TBC1D32: variants seen among roughly 807,000 people sequenced by gnomAD.
TBC1D32 encodes protein broad-minded.
Under a neutral mutation model 170.3 loss-of-function variants are expected in TBC1D32, and 151 were observed. The observed-to-expected ratio is 0.89, with a 90% confidence interval of 0.78 to 1.01. TBC1D32 has a LOEUF of 1.01. Among genes scored for constraint, TBC1D32 ranks in the 50% least tolerant of loss-of-function variants. The pLI is 0.00. For synonymous variants in TBC1D32, 498 were observed against 488.0 expected (o/e 1.02, Z -0.27); for missense variants, 1,464 against 1,457.1 (o/e 1.00, Z -0.08).
chr6:121,159,503 A>G (rs965391663), intron 24 of TBC1D32, among the ~76,000 whole-genome samples: 3 of 152,190 alleles, frequency 2.0e-5, no homozygotes, highest in Admixed American at 1.3e-4. Flanking sequence ...ATAGTCATGC[A>G]TTGCTTAATA....
chr6:121,252,087 G>A (rs1798370484), intron 17 of TBC1D32, among the ~76,000 whole-genome samples: 1 of 152,178 alleles, frequency 6.6e-6, no homozygotes, highest in South Asian at 2.1e-4. Context: ...GTGCTAGAGA[G>A]GATGTCGAGA....
chr6:121,119,046 C>T (rs1373983618), intron 26 of TBC1D32, among the ~76,000 whole-genome samples: 1 of 152,136 alleles, frequency 6.6e-6, no homozygotes, highest in Admixed American at 6.6e-5. Flanking sequence ...AGTACTACGC[C>T]TGCTCTCTAT....
chr6:121,160,116 C>G lies in TBC1D32; in HGVS notation c.2680-13G>C, dbSNP rs1583022894. On this transcript the variant is annotated splice_polypyrimidine_tract_variant and intron_variant, in intron 23 of 31. Coordinates refer to ENST00000398212, the MANE Select transcript of TBC1D32 (RefSeq NM_152730.6). ...ATGGATTATCACTCTAAAAAAGAAG[C>G]AAGACAGATGACTTTAGGAAGTGGT... 12 of 1,518,252 alleles carry G rather than the reference C, an allele frequency of 7.9e-6. No individual in the cohort carries two copies. The highest frequency in any genetic ancestry group is 1.2e-5 in the South Asian group (1 of 86,064). 94.0% of individuals were successfully genotyped at this position (1,518,252 alleles called of 1,614,324 possible).
chr6:121,205,316 G>T (rs9320797), intron 21 of TBC1D32, among the ~76,000 whole-genome samples, 153 bp from the exon 22 acceptor site: 93 of 151,410 alleles, frequency 6.1e-4, no homozygotes, highest in African/African-American at 1.7e-3. Context: ...AGAAGAAGAA[G>T]AAGAATAATA....
intron 20 of TBC1D32, among the ~76,000 whole-genome samples, chr6:121,237,660 T>C (rs1328993805): frequency 6.6e-6 from 1 of 152,034 alleles, no homozygotes; most frequent in Non-Finnish European, 1.5e-5. Flanking sequence ...GAAATTTTTA[T>C]TTCATGTAAG....
At chr6:121,280,145 C>A (rs80164664) in intron 14 of TBC1D32, among the ~76,000 whole-genome samples, 4,980 of 151,818 alleles carry the variant, frequency 0.033, 193 homozygotes, top group East Asian at 0.12. Flanking sequence ...ATCACTTTTC[C>A]TATTAAATAT....
chr6:121,147,427 T>C lies in TBC1D32; in HGVS notation c.2773+12583A>G, dbSNP rs1783602688. Among the ~76,000 whole-genome samples, 4 of 152,148 alleles carry C rather than the reference T, an allele frequency of 2.6e-5. 1 individual carries two copies. The South Asian group carries it at 8.3e-4, about 32-fold the overall frequency. On this transcript the variant is annotated intron_variant, in intron 24 of 31. Coordinates refer to ENST00000398212, the MANE Select transcript of TBC1D32 (RefSeq NM_152730.6). ...CCACAGTGGCTGAACTAATTTGCAT[T>C]TGCACCAAAAGTGTGTAAGTGTTCT...
At chr6:121,286,218 G>T (rs1583570236) in intron 12 of TBC1D32, among the ~76,000 whole-genome samples, 1 of 152,066 alleles carries the variant, frequency 6.6e-6, no homozygotes, top group African/African-American at 2.4e-5. Context: ...CGAACCCATG[G>T]CAAAGAAGTT....
chr6:121,235,859 A>G (rs1006949758), intron 20 of TBC1D32, among the ~76,000 whole-genome samples: 2 of 152,240 alleles, frequency 1.3e-5, no homozygotes, highest in African/African-American at 4.8e-5. Context: ...TCTGAGCAGG[A>G]GCTGCAAGCT....
chr6:121,320,125 A>G (rs1270603822), intron 2 of TBC1D32, among the ~76,000 whole-genome samples: 5 of 151,934 alleles, frequency 3.3e-5, no homozygotes, highest in Non-Finnish European at 5.9e-5. Flanking sequence ...TTAATTACAA[A>G]AATACTTTAT....
intron 21 of TBC1D32, 25 bp from the exon 22 acceptor site, chr6:121,205,188 C>A: frequency 9.3e-7 from 1 of 1,070,918 alleles, no homozygotes; most frequent in South Asian, 1.7e-5. Context: ...CAAAATGAGA[C>A]TGTATTTAAC....
At position 121,080,753 on chromosome 6, in the gene TBC1D32, A is replaced by T; in HGVS notation, c.*18T>A. The T allele has an allele frequency of 6.3e-7, 1 of 1,597,196 alleles. No homozygotes were observed. Among genetic ancestry groups the T allele is most frequent in the Non-Finnish European group, 8.5e-7 (1 of 1,174,146 alleles). On this transcript the variant is annotated 3_prime_UTR_variant, in exon 32 of 32. Transcript: ENST00000398212. ...TAAAAATAAATAAAACCTAAATTTA[A>T]ACCGTGTGTCTCATGATCTATGTGC...
At chr6:121,128,719 G>A (rs145150323) in intron 25 of TBC1D32, among the ~76,000 whole-genome samples, 8 of 152,176 alleles carry the variant, frequency 5.3e-5, no homozygotes, top group East Asian at 1.9e-4. Context: ...AGAAGAACAC[G>A]TGGGTTTTCT....
At chr6:121,257,589 G>C (rs528915723) in intron 15 of TBC1D32, among the ~76,000 whole-genome samples, 2 of 152,192 alleles carry the variant, frequency 1.3e-5, no homozygotes, top group African/African-American at 2.4e-5. Context: ...TAAAGAAAAG[G>C]CTGGAAAAAA....
At chr6:121,222,274 T>C in intron 21 of TBC1D32, among the ~76,000 whole-genome samples, 1 of 152,220 alleles carries the variant, frequency 6.6e-6, no homozygotes. Flanking sequence ...AAAAAATTTG[T>C]GTGACTTCCT....
At chr6:121,221,742 A>G (rs1794549622) in intron 21 of TBC1D32, among the ~76,000 whole-genome samples, 1 of 152,238 alleles carries the variant, frequency 6.6e-6, no homozygotes. Context: ...TTAAGATCAA[A>G]ATCAAACAGA....
intron 24 of TBC1D32, among the ~76,000 whole-genome samples, chr6:121,145,532 T>C (rs928049013): frequency 3.3e-5 from 5 of 152,196 alleles, no homozygotes; most frequent in Non-Finnish European, 7.4e-5. Flanking sequence ...TTTTAAGATG[T>C]CTATTGTACA....
intron 26 of TBC1D32, among the ~76,000 whole-genome samples, chr6:121,122,428 T>C (rs1367513127): frequency 6.6e-6 from 1 of 151,982 alleles, no homozygotes; most frequent in African/African-American, 2.4e-5. Flanking sequence ...ATCTGACTTT[T>C]AACACCACCA....
intron 17 of TBC1D32, among the ~76,000 whole-genome samples, chr6:121,246,229 A>G (rs1797579714): frequency 6.6e-6 from 1 of 152,186 alleles, no homozygotes; most frequent in South Asian, 2.1e-4. Context: ...CCAAGTATAT[A>G]ACTACTACAA....
Sources: gnomAD v4.1 joint callset for allele counts (sites outside exome capture counted in the v4.1 genomes callset) on GRCh38, gnomAD v4.1.1 for gene constraint, MANE v1.5 for transcripts, NCBI Gene and HGNC (gene_info 2026-07-23, HGNC 2026-07-21) for gene names.